The following CSMD1 variants were observed in gnomAD, a reference collection of about 807,000 sequenced individuals.
The protein encoded by CSMD1 is CUB and Sushi multiple domains 1, also known as CUB and sushi domain-containing protein 1.
Under a neutral mutation model 417.5 loss-of-function variants are expected in CSMD1, and 213 were observed. The ratio of observed to expected loss-of-function variants is 0.51; its 90% CI spans 0.46 to 0.57. The LOEUF is 0.57. Among genes scored for constraint, CSMD1 ranks in the 20% least tolerant of loss-of-function variants. The pLI, the probability that CSMD1 is intolerant of heterozygous loss-of-function variation, is 0.00. For missense variants in CSMD1, 6,923 were observed against 4,529.7 expected, an observed-to-expected ratio of 1.53 and a Z score of -15.17; for synonymous variants, 2,862 against 1,736.8, an observed-to-expected ratio of 1.65 and a Z score of -16.11.
intron 57 of CSMD1, among the ~76,000 whole-genome samples, chr8:2,966,952 T>G (rs1804017803): frequency 6.6e-6 from 1 of 152,198 alleles, no homozygotes; most frequent in Admixed American, 6.5e-5. Context: ...AAAAATAACC[T>G]TTCAATTCGT....
At chr8:3,832,117 A>G (rs1332772113) in intron 5 of CSMD1, among the ~76,000 whole-genome samples, 2 of 152,150 alleles carry the variant, frequency 1.3e-5, no homozygotes. Context: ...CATGTGGGCA[A>G]ACAGTAATTC....
intron 5 of CSMD1, among the ~76,000 whole-genome samples, chr8:3,968,174 G>T (rs554831496): frequency 1.4e-5 from 2 of 142,526 alleles, no homozygotes; most frequent in Non-Finnish European, 3.0e-5. Flanking sequence ...GTGACAGAGC[G>T]AGACTCCGTC....
chr8:3,502,351 C>T (rs1169073142), intron 10 of CSMD1, among the ~76,000 whole-genome samples: 4 of 123,992 alleles, frequency 3.2e-5, no homozygotes, highest in East Asian at 2.3e-4. Context: ...GGGGACAGAC[C>T]GAGACTTCAT....
At chr8:4,163,718 G>C (rs1797294936) in intron 3 of CSMD1, among the ~76,000 whole-genome samples, 3 of 152,118 alleles carry the variant, frequency 2.0e-5, no homozygotes, top group Admixed American at 2.0e-4. Context: ...TGGTGGATGT[G>C]ATGATCTTGA....
At chr8:4,049,069 G>A (rs1242910369) in intron 3 of CSMD1, among the ~76,000 whole-genome samples, 2 of 152,044 alleles carry the variant, frequency 1.3e-5, no homozygotes, top group Admixed American at 6.6e-5. Context: ...TCCTTTCATG[G>A]TTAGGAATTG....
At chr8:3,595,397 T>C (rs1014063235) in intron 8 of CSMD1, among the ~76,000 whole-genome samples, 1 of 152,208 alleles carries the variant, frequency 6.6e-6, no homozygotes, top group African/African-American at 2.4e-5. Context: ...TCTGGGTCAT[T>C]TTTTCTTTTC....
At chr8:4,003,740 G>A (rs1386179956) in intron 4 of CSMD1, among the ~76,000 whole-genome samples, 2 of 152,136 alleles carry the variant, frequency 1.3e-5, no homozygotes, top group African/African-American at 2.4e-5. Context: ...ACAGGCGAGT[G>A]ACACTGAGAG....
At chr8:4,447,939 C>T (rs1200827489) in intron 2 of CSMD1, among the ~76,000 whole-genome samples, 1 of 152,000 alleles carries the variant, frequency 6.6e-6, no homozygotes, top group Non-Finnish European at 1.5e-5. Flanking sequence ...CCACACTCAC[C>T]ATATTTTTTA....
intron 7 of CSMD1, among the ~76,000 whole-genome samples, chr8:3,688,616 G>T (rs1296361813): frequency 6.6e-6 from 1 of 152,130 alleles, no homozygotes; most frequent in African/African-American, 2.4e-5. Flanking sequence ...TGGGGAAAAG[G>T]CCACTTAGCA....
intron 9 of CSMD1, among the ~76,000 whole-genome samples, chr8:3,579,274 C>G (rs886148395): frequency 1.3e-5 from 2 of 152,122 alleles, no homozygotes; most frequent in East Asian, 3.9e-4. Flanking sequence ...TGACATTTAT[C>G]CACTTAATCA....
intron 5 of CSMD1, among the ~76,000 whole-genome samples, chr8:3,858,822 C>T (rs1804491334): frequency 6.6e-6 from 1 of 152,118 alleles, no homozygotes; most frequent in Admixed American, 6.6e-5. Context: ...CGGGAAATAA[C>T]ATGACTTGCA....
chr8:3,640,656 G>A (rs994904378), intron 7 of CSMD1, among the ~76,000 whole-genome samples: 2 of 152,206 alleles, frequency 1.3e-5, no homozygotes, highest in Admixed American at 1.3e-4. Flanking sequence ...ATATTCCTTT[G>A]ATTGTCGCTA....
At chr8:3,803,987 G>C (rs545379444) in intron 5 of CSMD1, among the ~76,000 whole-genome samples, 3 of 152,222 alleles carry the variant, frequency 2.0e-5, no homozygotes, top group African/African-American at 7.2e-5. Flanking sequence ...GAGTGCAATG[G>C]CGTGATCTCG....
intron 11 of CSMD1, among the ~76,000 whole-genome samples, chr8:3,480,578 C>G (rs948559779): frequency 6.6e-6 from 1 of 151,834 alleles, no homozygotes; most frequent in African/African-American, 2.4e-5. Context: ...TTTATAGACC[C>G]AAAAAAATCT....
chr8:4,484,154 C>T (rs779166565), intron 2 of CSMD1, among the ~76,000 whole-genome samples: 7 of 150,766 alleles, frequency 4.6e-5, no homozygotes, highest in South Asian at 2.1e-4. Context: ...TTGTGGAGGC[C>T]GCTTCCCTTA....
intron 7 of CSMD1, among the ~76,000 whole-genome samples, chr8:3,653,068 A>G (rs771660964): frequency 3.9e-5 from 6 of 152,178 alleles, no homozygotes; most frequent in Non-Finnish European, 7.4e-5. Flanking sequence ...AGCACTCAGT[A>G]AAGACTCATT....
chr8:3,384,192 A>G (rs1810821252), intron 18 of CSMD1, among the ~76,000 whole-genome samples: 1 of 152,158 alleles, frequency 6.6e-6, no homozygotes. Flanking sequence ...ATAAATAAAT[A>G]TGTAGACATC....
rs1270000857 is a variant in CSMD1, at chr8:3,676,545, G to C, written c.1009+31869C>G. ...TATAGATCTTAAATATATCCGAATG[G>C]TACACATGTTCTCCCTTACCATTAA... On this transcript the variant is annotated intron_variant, in intron 7 of 69. Transcript: ENST00000635120. Among the ~76,000 whole-genome samples the C allele has an allele frequency of 2.6e-5, 4 of 152,098 alleles. No homozygotes were observed. The East Asian group carries it at 7.7e-4, about 29-fold the overall frequency.
At chr8:4,428,233 A>T (rs767112152) in intron 2 of CSMD1, among the ~76,000 whole-genome samples, 1 of 152,216 alleles carries the variant, frequency 6.6e-6, no homozygotes, top group Non-Finnish European at 1.5e-5. Flanking sequence ...CATTCTAAAC[A>T]CAAGACAACT....
Sources: allele counts gnomAD v4.1 joint callset (sites outside exome capture counted in the v4.1 genomes callset), GRCh38; gene constraint gnomAD v4.1.1; transcripts MANE v1.5; gene names NCBI Gene and HGNC (gene_info 2026-07-23, HGNC 2026-07-21).